TANC1: variants seen among roughly 807,000 people sequenced by gnomAD.
TANC1 encodes tetratricopeptide repeat, ankyrin repeat and coiled-coil containing 1, also known as protein TANC1.
Under a neutral mutation model 149.7 loss-of-function variants are expected in TANC1, and 77 were observed. That is an observed-to-expected ratio of 0.51 (90% CI 0.43 to 0.62). The LOEUF is 0.62. Ranked by LOEUF, TANC1 falls within the 20% of genes least tolerant of loss-of-function variation. The pLI is 0.00. For missense variants in TANC1, 1,985 were observed against 2,321.8 expected (o/e 0.85, Z 2.98); for synonymous variants, 854 against 925.0 (o/e 0.92, Z 1.39).
intron 3 of TANC1, 31 bp from the exon 4 acceptor site, chr2:159,097,606 G>A: frequency 6.4e-7 from 1 of 1,556,946 alleles, no homozygotes; most frequent in Non-Finnish European, 8.9e-7. Flanking sequence ...TGAATGGATG[G>A]TTTAACCTAA....
At chr2:159,136,152 A>G (rs778848679) in intron 4 of TANC1, 42 bp from the exon 5 acceptor site, 3 of 1,200,206 alleles carry the variant, frequency 2.5e-6, no homozygotes, top group Non-Finnish European at 3.7e-6. Flanking sequence ...CTTTGTTTGC[A>G]TCTGGAAAAA....
At chr2:159,035,945 A>G (rs1346252029) in intron 2 of TANC1, among the ~76,000 whole-genome samples, 1 of 152,232 alleles carries the variant, frequency 6.6e-6, no homozygotes, top group Non-Finnish European at 1.5e-5. Flanking sequence ...GTGCACACGC[A>G]TCTGTGGGTC....
At chr2:159,173,424 T>C (rs1250075961) in intron 11 of TANC1, among the ~76,000 whole-genome samples, 4 of 151,992 alleles carry the variant, frequency 2.6e-5, no homozygotes, top group East Asian at 1.9e-4. Flanking sequence ...GGCCAACATA[T>C]TGAAACCTCG....
intron 16 of TANC1, among the ~76,000 whole-genome samples, chr2:159,187,411 G>A (rs2057078056): frequency 6.6e-6 from 1 of 152,220 alleles, no homozygotes; most frequent in Non-Finnish European, 1.5e-5. Context: ...GCATGGATGG[G>A]TGATGCATAG....
At chr2:158,981,316 A>G (rs1226656624) in intron 1 of TANC1, among the ~76,000 whole-genome samples, 1 of 150,782 alleles carries the variant, frequency 6.6e-6, no homozygotes, top group East Asian at 2.0e-4. Flanking sequence ...TCATCTGGGT[A>G]TGGTGGTTCA....
At chr2:159,069,703 A>G (rs1200048483) in intron 3 of TANC1, among the ~76,000 whole-genome samples, 1 of 152,020 alleles carries the variant, frequency 6.6e-6, no homozygotes, top group East Asian at 1.9e-4. Context: ...ATGAATAGGA[A>G]AAAAAGTCCC....
At chr2:159,025,438 A>C (rs1390322732) in intron 2 of TANC1, among the ~76,000 whole-genome samples, 1 of 152,096 alleles carries the variant, frequency 6.6e-6, no homozygotes, top group Non-Finnish European at 1.5e-5. Context: ...CCTTTGACCT[A>C]TATTTTATCC....
At chr2:159,225,655 TG>T (rs774081617) in intron 23 of TANC1, 32 bp from the exon 24 acceptor site, 1 of 1,585,418 alleles carries the variant, frequency 6.3e-7, no homozygotes, top group African/African-American at 1.3e-5. Flanking sequence ...GCAGGGCCTC[TG>T]AAGTGCCTCT....
At chr2:159,064,668 C>G (rs543985904) in intron 2 of TANC1, among the ~76,000 whole-genome samples, 9 of 152,146 alleles carry the variant, frequency 5.9e-5, no homozygotes, top group Non-Finnish European at 1.0e-4. Flanking sequence ...CAGGCTTGGA[C>G]CAAATGATAA....
chr2:159,069,739 T>C (rs1046891073), intron 3 of TANC1, among the ~76,000 whole-genome samples: 1 of 149,456 alleles, frequency 6.7e-6, no homozygotes, highest in African/African-American at 2.4e-5. Flanking sequence ...AAAAACTTTA[T>C]CAACCTAAGA....
intron 7 of TANC1, among the ~76,000 whole-genome samples, chr2:159,159,020 A>G (rs1210814984): frequency 3.3e-5 from 5 of 152,228 alleles, no homozygotes; most frequent in African/African-American, 1.2e-4. Context: ...TGCTGTAGTC[A>G]GGTTACAGTT....
intron 2 of TANC1, among the ~76,000 whole-genome samples, chr2:159,048,279 A>T (rs891046778): frequency 1.3e-5 from 2 of 152,144 alleles, no homozygotes; most frequent in African/African-American, 4.8e-5. Flanking sequence ...TCTTGTTCGT[A>T]TTTGAATCTG....
chr2:159,228,414 G>A, intron 25 of TANC1: 1 of 264,168 alleles, frequency 3.8e-6, no homozygotes, highest in Non-Finnish European at 7.3e-6. Context: ...ATCTGTTTCA[G>A]TAGTACTTCC....
At chr2:159,084,006 C>T (rs1383758429) in intron 3 of TANC1, among the ~76,000 whole-genome samples, 5 of 152,122 alleles carry the variant, frequency 3.3e-5, no homozygotes. Flanking sequence ...AATCCAAATG[C>T]TTTGGGAGGC....
intron 3 of TANC1, among the ~76,000 whole-genome samples, chr2:159,079,145 A>G (rs534705262): frequency 1.3e-5 from 2 of 152,306 alleles, no homozygotes; most frequent in South Asian, 4.1e-4. Flanking sequence ...GGTGAATCTC[A>G]GTTCAGCAAA....
chr2:159,067,186 T>C (rs942038150), intron 3 of TANC1, among the ~76,000 whole-genome samples: 3 of 152,258 alleles, frequency 2.0e-5, no homozygotes, highest in Admixed American at 2.0e-4. Flanking sequence ...GTTGTTTCCA[T>C]ACTTATATAA....
At chr2:159,145,506 G>A (rs569688527) in intron 5 of TANC1, among the ~76,000 whole-genome samples, 2 of 152,338 alleles carry the variant, frequency 1.3e-5, no homozygotes, top group South Asian at 4.1e-4. Context: ...AAAGGATCTG[G>A]ATGGTGGTTA....
At chr2:159,099,378 C>G (rs1453759278) in intron 4 of TANC1, among the ~76,000 whole-genome samples, 2 of 152,068 alleles carry the variant, frequency 1.3e-5, no homozygotes, top group Non-Finnish European at 2.9e-5. Flanking sequence ...CACTGCCTGT[C>G]ATACTGGGTT....
At chr2:159,157,875 G>A (rs1211117368) in intron 7 of TANC1, among the ~76,000 whole-genome samples, 1 of 152,168 alleles carries the variant, frequency 6.6e-6, no homozygotes, top group Non-Finnish European at 1.5e-5. Flanking sequence ...CATTCATGAT[G>A]CCTGAGGCAC....
Sources: allele counts gnomAD v4.1 joint callset (sites outside exome capture counted in the v4.1 genomes callset), GRCh38; gene constraint gnomAD v4.1.1; transcripts MANE v1.5; gene names NCBI Gene and HGNC (gene_info 2026-07-23, HGNC 2026-07-21).